Variants in KALRN observed in about 807,000 individuals in gnomAD.
The protein encoded by KALRN is kalirin.
In KALRN, 70 loss-of-function variants were observed where a neutral mutation model predicts 353.7. That is an observed-to-expected ratio of 0.20 (90% confidence interval 0.16 to 0.24). The LOEUF is 0.24. KALRN is among the 10% of genes least tolerant of loss of function. The pLI, the probability that KALRN is intolerant of heterozygous loss-of-function variation, is 1.00. For missense variants in KALRN, 2,791 were observed against 3,756.7 expected, an observed-to-expected ratio of 0.74 and a Z score of 6.72; for synonymous variants, 1,391 against 1,434.8, an observed-to-expected ratio of 0.97 and a Z score of 0.69.
At chr3:124,132,566 G>T (rs1444717126) in intron 1 of KALRN, among the ~76,000 whole-genome samples, 1 of 152,204 alleles carries the variant, frequency 6.6e-6, no homozygotes, top group Non-Finnish European at 1.5e-5. Flanking sequence ...TGGTCAGCCT[G>T]GGCAGAGATC....
At chr3:124,560,038 C>A (rs753163471) in intron 33 of KALRN, among the ~76,000 whole-genome samples, 3 of 152,170 alleles carry the variant, frequency 2.0e-5, no homozygotes, top group Non-Finnish European at 2.9e-5. Flanking sequence ...CATCTAGTGG[C>A]GTATCTAGGC....
chr3:124,359,761 A>T (rs997606), intron 10 of KALRN, among the ~76,000 whole-genome samples: 37,517 of 152,130 alleles, frequency 0.25, 4,759 homozygotes, highest in African/African-American at 0.32. Context: ...GTGGCAGCAA[A>T]TGGTGATCAT....
chr3:124,657,998 T>G (rs2084300605), intron 41 of KALRN, among the ~76,000 whole-genome samples, 195 bp downstream of exon 41: 1 of 152,034 alleles, frequency 6.6e-6, no homozygotes, highest in African/African-American at 2.4e-5. Context: ...TACGAAGAAT[T>G]TAAAAATTAA....
At chr3:124,133,349 A>C (rs1469275465) in intron 1 of KALRN, among the ~76,000 whole-genome samples, 2 of 152,178 alleles carry the variant, frequency 1.3e-5, no homozygotes, top group Non-Finnish European at 2.9e-5. Flanking sequence ...CCTCAAAAAA[A>C]CACAACACAA....
In KALRN at chr3:124,722,300, G is replaced by T. The variant is rs2063367617; in HGVS notation, c.*2830G>T. 6.6e-6 allele frequency: 1 copy of T among 152,140 alleles called. No individual in the cohort carries two copies. The highest frequency in any genetic ancestry group is 1.5e-5 in the Non-Finnish European group (1 of 68,032). 9.4% of individuals were successfully genotyped at this position (152,140 alleles called of 1,614,324 possible). ...AGAGTTGGGAGGATCCAGATGTGGGGTTGCATGGAATTCCCCCAAGTACAC... is the reference window on the plus strand; with the variant it reads ...AGAGTTGGGAGGATCCAGATGTGGGTTTGCATGGAATTCCCCCAAGTACAC... On this transcript the variant is annotated 3_prime_UTR_variant, in exon 60 of 60. Coordinates refer to ENST00000682506, the MANE Select transcript of KALRN (RefSeq NM_001388419.1).
rs371429094 is a variant in KALRN, at chr3:124,153,487, T to G, written c.74-74503T>G. Among the ~76,000 whole-genome samples, 74 of 150,644 alleles carry G rather than the reference T, an allele frequency of 4.9e-4. No individual in the cohort carries two copies. The South Asian group carries it at 9.6e-3, about 20-fold the overall frequency. ...GCTGCATAGTATTCCATGGTGTATATGTGCCACATTTTCTTAATCCAGTCT... is the reference window on the plus strand; with the variant it reads ...GCTGCATAGTATTCCATGGTGTATAGGTGCCACATTTTCTTAATCCAGTCT... On this transcript the variant is annotated intron_variant, in intron 1 of 59. Transcript: ENST00000682506.
intron 1 of KALRN, among the ~76,000 whole-genome samples, chr3:124,188,847 G>A (rs192942947): frequency 2.0e-4 from 31 of 152,262 alleles, no homozygotes; most frequent in Middle Eastern, 3.4e-3. Context: ...ATTTGTATTC[G>A]TACTTCTTAC....
At chr3:124,161,728 C>T (rs931118409) in intron 1 of KALRN, among the ~76,000 whole-genome samples, 2 of 152,202 alleles carry the variant, frequency 1.3e-5, no homozygotes, top group Admixed American at 1.3e-4. Context: ...GGCCTGTGGG[C>T]ATCCACATCA....
intron 1 of KALRN, among the ~76,000 whole-genome samples, chr3:124,055,003 TGAACTTTAA>T (rs542108939): frequency 2.2e-4 from 33 of 152,280 alleles, no homozygotes; most frequent in Admixed American, 7.2e-4. Context: ...TCAGGACCCT[TGAACTTTAA>T]GAAGAAAGTG....
intron 21 of KALRN, among the ~76,000 whole-genome samples, chr3:124,449,883 C>G (rs2058610559): frequency 6.6e-6 from 1 of 152,158 alleles, no homozygotes; most frequent in African/African-American, 2.4e-5. Flanking sequence ...ATCCTTTTGT[C>G]CTATTATTGC....
chr3:124,392,274 A>C lies in KALRN; in HGVS notation c.1963-2861A>C, dbSNP rs78391304. 2.2e-3 allele frequency among the ~76,000 whole-genome samples: 329 copies of C among 152,310 alleles called. 3 individuals are homozygous for C. The highest frequency in any genetic ancestry group is 7.7e-3 in the African/African-American group (320 of 41,580). ...ATGCTGGGTCTTACCATGTTGTCTAAGCTAAAACTATATTTTAAATGTAAT... is the reference window on the plus strand; with the variant it reads ...ATGCTGGGTCTTACCATGTTGTCTACGCTAAAACTATATTTTAAATGTAAT... On this transcript the variant is annotated intron_variant, in intron 11 of 59. Coordinates refer to ENST00000682506, the MANE Select transcript of KALRN (RefSeq NM_001388419.1).
chr3:124,457,970 G>A (rs549785726), intron 23 of KALRN, among the ~76,000 whole-genome samples: 24 of 152,228 alleles, frequency 1.6e-4, no homozygotes, highest in African/African-American at 5.8e-4. Context: ...AGAATAAATT[G>A]TATATAATTG....
chr3:124,642,376 C>T (rs958033970), intron 37 of KALRN, among the ~76,000 whole-genome samples: 1 of 152,092 alleles, frequency 6.6e-6, no homozygotes, highest in Non-Finnish European at 1.5e-5. Flanking sequence ...GGCACACTAG[C>T]GTAGTTCACT....
chr3:124,445,070 C>T (rs555848209), intron 19 of KALRN, among the ~76,000 whole-genome samples: 2 of 152,274 alleles, frequency 1.3e-5, no homozygotes, highest in East Asian at 3.9e-4. Flanking sequence ...ACAACTCAGG[C>T]TCTGAAGTCA....
chr3:124,649,151 A>T (rs2083093483), intron 37 of KALRN, among the ~76,000 whole-genome samples: 2 of 152,166 alleles, frequency 1.3e-5, no homozygotes, highest in South Asian at 4.1e-4. Flanking sequence ...ATATCTGCTT[A>T]GTGTTATGTT....
chr3:124,104,606 A>C (rs937037883), intron 1 of KALRN, among the ~76,000 whole-genome samples: 2 of 152,228 alleles, frequency 1.3e-5, no homozygotes, highest in African/African-American at 4.8e-5. Context: ...GAGTTGTAGC[A>C]TTCAATTAGA....
At chr3:124,072,427 T>A (rs748836226) in intron 1 of KALRN, among the ~76,000 whole-genome samples, 54 of 152,230 alleles carry the variant, frequency 3.5e-4, no homozygotes, top group Non-Finnish European at 5.3e-4. Flanking sequence ...ATGCCATTGA[T>A]GAGGTGGTTG....
At chr3:124,345,312 T>A (rs1365131223) in intron 9 of KALRN, among the ~76,000 whole-genome samples, 1 of 152,210 alleles carries the variant, frequency 6.6e-6, no homozygotes, top group Non-Finnish European at 1.5e-5. Context: ...TGACTACAAG[T>A]ATTTACCTTT....
At chr3:124,202,438 A>T (rs146502863) in intron 1 of KALRN, among the ~76,000 whole-genome samples, 2 of 152,144 alleles carry the variant, frequency 1.3e-5, no homozygotes, top group African/African-American at 4.8e-5. Flanking sequence ...CTTTGTAGAA[A>T]TGGGTGTTTC....
Sources: allele counts gnomAD v4.1 joint callset (sites outside exome capture counted in the v4.1 genomes callset), GRCh38; gene constraint gnomAD v4.1.1; transcripts MANE v1.5; gene names NCBI Gene and HGNC (gene_info 2026-07-23, HGNC 2026-07-21).